The following AFF3 variants were observed in gnomAD, a reference collection of about 807,000 sequenced individuals.
AFF3 encodes the protein ALF transcription elongation factor 3, also known as AF4/FMR2 family member 3.
Under a neutral mutation model 129.7 loss-of-function variants are expected in AFF3, and 32 were observed. That is an observed-to-expected ratio of 0.25 (90% CI 0.19 to 0.33). AFF3 has a LOEUF of 0.33. AFF3 is among the 10% of genes least tolerant of loss of function. The pLI is 1.00. For missense variants in AFF3, 1,373 were observed against 1,592.0 expected, an observed-to-expected ratio of 0.86 and a Z score of 2.34; for synonymous variants, 644 against 635.4, an observed-to-expected ratio of 1.01 and a Z score of -0.20.
chr2:99,780,947 T>A (rs566796496), intron 8 of AFF3, among the ~76,000 whole-genome samples: 1 of 152,308 alleles, frequency 6.6e-6, no homozygotes, highest in South Asian at 2.1e-4. Flanking sequence ...GCCAGAGGGA[T>A]CATTTAAAAC....
chr2:100,031,354 A>G (rs1391400560), intron 4 of AFF3, among the ~76,000 whole-genome samples: 1 of 152,214 alleles, frequency 6.6e-6, no homozygotes, highest in Non-Finnish European at 1.5e-5. Flanking sequence ...CATGTGATAA[A>G]TGGATTAGAG....
chr2:99,559,738 A>C (rs1029053382), intron 21 of AFF3, among the ~76,000 whole-genome samples: 1 of 152,230 alleles, frequency 6.6e-6, no homozygotes, highest in African/African-American at 2.4e-5. Flanking sequence ...CAATGGCACC[A>C]TCTCCTCCTA....
At chr2:99,626,737 T>TCAACTGA (rs1440612709) in intron 13 of AFF3, among the ~76,000 whole-genome samples, 1 of 152,168 alleles carries the variant, frequency 6.6e-6, no homozygotes, top group Non-Finnish European at 1.5e-5. Context: ...CCAGCCTCCA[T>TCAACTGA]CAACTGACAG....
intron 13 of AFF3, among the ~76,000 whole-genome samples, chr2:99,622,807 G>A (rs924961212): frequency 1.3e-5 from 2 of 152,202 alleles, no homozygotes; most frequent in Non-Finnish European, 2.9e-5. Flanking sequence ...CAGACCATGG[G>A]GTCAGTGGAT....
intron 7 of AFF3, among the ~76,000 whole-genome samples, chr2:100,004,226 C>A (rs376651042): frequency 2.0e-5 from 3 of 152,188 alleles, no homozygotes; most frequent in African/African-American, 7.2e-5. Context: ...GGAAATTTCC[C>A]TAAAAAACCC....
intron 7 of AFF3, among the ~76,000 whole-genome samples, chr2:99,982,659 C>T (rs562684203): frequency 3.3e-4 from 50 of 152,268 alleles, no homozygotes; most frequent in Middle Eastern, 3.4e-3. Context: ...TTATGACTCT[C>T]GAGGTCTCAG....
chr2:99,722,101 T>C (rs1678942534), intron 11 of AFF3, among the ~76,000 whole-genome samples: 1 of 152,242 alleles, frequency 6.6e-6, no homozygotes, highest in Admixed American at 6.5e-5. Context: ...TTGGTTATTC[T>C]TATTGGTTTC....
At position 99,884,343 on chromosome 2, in the gene AFF3, C is replaced by T. The variant is rs373812821; in HGVS notation, c.874-46819G>A. ...GCTTGAACATTTAAAATCTGCTTAG[C>T]AATTTTGATATATACATTGCTATTA... is the stretch of plus-strand genomic sequence containing the variant. On this transcript the variant is annotated intron_variant, in intron 7 of 24. Coordinates refer to ENST00000672756, the MANE Select transcript of AFF3 (RefSeq NM_001386135.1). Among the ~76,000 whole-genome samples the T allele has an allele frequency of 2.0e-5, 3 of 152,248 alleles. No homozygotes were observed. In the East Asian group the frequency reaches 5.8e-4, roughly 29 times the overall value.
intron 4 of AFF3, among the ~76,000 whole-genome samples, chr2:100,013,934 A>G (rs189397434): frequency 1.6e-4 from 24 of 152,196 alleles, no homozygotes; most frequent in Non-Finnish European, 2.4e-4. Flanking sequence ...AGTGCTACCC[A>G]TTCATTAGCC....
chr2:99,730,740 C>T (rs924053655), intron 10 of AFF3, among the ~76,000 whole-genome samples: 10 of 151,964 alleles, frequency 6.6e-5, no homozygotes, highest in African/African-American at 1.9e-4. Flanking sequence ...GTCTCCAACT[C>T]CTGACCTTGT....
chr2:99,631,951 A>G (rs1683154497), intron 13 of AFF3, among the ~76,000 whole-genome samples: 1 of 146,866 alleles, frequency 6.8e-6, no homozygotes, highest in African/African-American at 2.5e-5. Context: ...TGTCTGCACC[A>G]TTTTAGTTCC....
At chr2:99,989,286 C>T (rs550988902) in intron 7 of AFF3, among the ~76,000 whole-genome samples, 3 of 152,274 alleles carry the variant, frequency 2.0e-5, no homozygotes, top group South Asian at 4.1e-4. Flanking sequence ...AATCACAGAG[C>T]CCACAGAAGA....
At position 99,628,034 on chromosome 2, in the gene AFF3, C is replaced by T. The variant is rs1012882612; in HGVS notation, c.1184+21592G>A. 5.3e-5 allele frequency among the ~76,000 whole-genome samples: 8 copies of T among 152,024 alleles called. No homozygotes were observed. In the East Asian group the frequency reaches 1.5e-3, roughly 29 times the overall value. ...TTTTTGTTCTTTTTGCTTAGGATTG[C>T]CTTGGCTACTAGGGCTCTTTTTTGG... On this transcript the variant is annotated intron_variant, in intron 13 of 24. Coordinates refer to ENST00000672756, the MANE Select transcript of AFF3 (RefSeq NM_001386135.1).
chr2:99,784,514 G>A (rs866067415), intron 8 of AFF3, among the ~76,000 whole-genome samples: 3 of 152,196 alleles, frequency 2.0e-5, no homozygotes, highest in South Asian at 4.1e-4. Flanking sequence ...AAGGGTGACC[G>A]GATGGCAAAT....
At chr2:99,672,858 A>G (rs1687289065) in intron 11 of AFF3, among the ~76,000 whole-genome samples, 1 of 152,202 alleles carries the variant, frequency 6.6e-6, no homozygotes, top group African/African-American at 2.4e-5. Context: ...TAGCAGGGAA[A>G]TAATACTTAA....
At chr2:99,685,942 G>A (rs1675010880) in intron 11 of AFF3, among the ~76,000 whole-genome samples, 1 of 152,066 alleles carries the variant, frequency 6.6e-6, no homozygotes. Flanking sequence ...ATCCCAGTAG[G>A]CTGTGGGAGG....
chr2:99,994,783 C>A (rs1199169084), intron 7 of AFF3, among the ~76,000 whole-genome samples: 1 of 152,138 alleles, frequency 6.6e-6, no homozygotes, highest in Non-Finnish European at 1.5e-5. Context: ...TGCTTGAACT[C>A]ATTCTAGTGT....
chr2:99,799,102 A>C (rs947827593), intron 8 of AFF3, among the ~76,000 whole-genome samples: 1 of 152,104 alleles, frequency 6.6e-6, no homozygotes, highest in Non-Finnish European at 1.5e-5. Flanking sequence ...AAATTTAAAG[A>C]TAAATGCCAT....
chr2:100,115,265 C>T (rs1373788260), intron 2 of AFF3, among the ~76,000 whole-genome samples: 1 of 152,006 alleles, frequency 6.6e-6, no homozygotes, highest in Non-Finnish European at 1.5e-5. Context: ...ATGTGTATAC[C>T]AGCCAGGAGT....
Sources: gnomAD v4.1 joint callset for allele counts (sites outside exome capture counted in the v4.1 genomes callset) on GRCh38, gnomAD v4.1.1 for gene constraint, MANE v1.5 for transcripts, NCBI Gene and HGNC (gene_info 2026-07-23, HGNC 2026-07-21) for gene names.